The following DMBT1 variants were observed in gnomAD, a reference collection of about 807,000 sequenced individuals.
DMBT1 encodes scavenger receptor cysteine-rich domain-containing protein DMBT1.
Under a neutral mutation model 252.9 loss-of-function variants are expected in DMBT1, and 198 were observed. The observed-to-expected ratio is 0.78, with a 90% CI of 0.70 to 0.88. The LOEUF (loss-of-function observed/expected upper bound fraction) is 0.88. Ranked by LOEUF, DMBT1 falls within the 40% of genes least tolerant of loss-of-function variation. The probability of loss-of-function intolerance (pLI) is 0.00; values close to 1 mark genes in which losing one functional copy is unlikely to be tolerated. For missense variants in DMBT1, 2,432 were observed against 2,404.7 expected, an observed-to-expected ratio of 1.01 and a Z score of -0.24; for synonymous variants, 990 against 942.7, an observed-to-expected ratio of 1.05 and a Z score of -0.92.
At position 122,585,374 on chromosome 10, in the gene DMBT1, A is replaced by C. The variant is rs370310020; in HGVS notation, c.1459+65A>C. 140 of 1,540,490 alleles carry C rather than the reference A, an allele frequency of 9.1e-5. 4 individuals carry two copies. The African/African-American group carries it at 1.8e-3, about 20-fold the overall frequency. Reference sequence around the variant, plus strand: ...ACCTCTGGACAAATGTTTTTTTCTGAAATGATAGGATGAGGGTCAAGGTGG... The same window carrying C: ...ACCTCTGGACAAATGTTTTTTTCTGCAATGATAGGATGAGGGTCAAGGTGG... On this transcript the variant is annotated intron_variant, in intron 15 of 55. Coordinates refer to ENST00000338354, the MANE Select transcript of DMBT1 (RefSeq NM_001377530.1).
At chr10:122,600,939 C>T (rs1051573642) in intron 27 of DMBT1, 52 bp from the exon 28 acceptor site, 8 of 697,902 alleles carry the variant, frequency 1.1e-5, no homozygotes, top group Middle Eastern at 3.5e-4. Flanking sequence ...TTTTGTTCTG[C>T]ACCTTTTCCC....
chr10:122,592,245 A>G (rs2097855233), intron 19 of DMBT1, 27 bp from the exon 20 acceptor site: 2 of 1,583,772 alleles, frequency 1.3e-6, no homozygotes, highest in Non-Finnish European at 8.6e-7. Context: ...GTAGGGATGG[A>G]TAAAGGGTTC....
chr10:122,567,274 CCT>C (rs2097603936), intron 2 of DMBT1, among the ~76,000 whole-genome samples: 3 of 152,168 alleles, frequency 2.0e-5, no homozygotes, highest in Admixed American at 2.0e-4. Flanking sequence ...GGCGCATTGC[CCT>C]GCTGCACCTC....
At chr10:122,581,560 T>C (rs529871262) in intron 11 of DMBT1, among the ~76,000 whole-genome samples, 5 of 144,434 alleles carry the variant, frequency 3.5e-5, no homozygotes, top group South Asian at 4.5e-4. Context: ...CTCTAACAGA[T>C]AGAAAGATAC....
Position 122,631,139 on chromosome 10 carries a change from A to G in DMBT1, c.6204A>G (p.Ala2068=), listed in dbSNP as rs2098161744. 3 of 1,613,866 alleles carry G rather than the reference A, an allele frequency of 1.9e-6. No individual in the cohort carries two copies. The highest frequency in any genetic ancestry group is 8.5e-7 in the Non-Finnish European group (1 of 1,179,906). Residue 2068 remains alanine, a synonymous_variant, in exon 49 of 56, where the codon GCA becomes GCG. Coordinates refer to ENST00000338354, the MANE Select transcript of DMBT1 (RefSeq NM_001377530.1). The stretch of plus-strand genomic sequence containing the variant: ...GTGCAGTTTCAGCCCTTGGAAATGC[A>G]TATTTTGGCTCTGGCTCTGGCCCCA... The part of the protein sequence containing the change: ...CGRAVSALGN[A]YFGSGSGPIT...
chr10:122,564,951 A>G (rs2097577761), intron 1 of DMBT1, among the ~76,000 whole-genome samples: 1 of 152,188 alleles, frequency 6.6e-6, no homozygotes, highest in Non-Finnish European at 1.5e-5. Flanking sequence ...CTTTGCCATC[A>G]CAAGTAGAAA....
chr10:122,588,593 A>G (rs552199008), intron 16 of DMBT1, among the ~76,000 whole-genome samples: 2 of 148,754 alleles, frequency 1.3e-5, no homozygotes, highest in African/African-American at 4.9e-5. Flanking sequence ...AGGGAGGACC[A>G]TGGGGGTGCC....
At chr10:122,599,901 C>T (rs910506565) in intron 26 of DMBT1, among the ~76,000 whole-genome samples, 163 bp from the exon 27 acceptor site, 1 of 152,166 alleles carries the variant, frequency 6.6e-6, no homozygotes, top group African/African-American at 2.4e-5. Flanking sequence ...CGACCCCTTA[C>T]ATGGTGCATC....
chr10:122,631,327 A>G (rs1401167139), intron 49 of DMBT1, 46 bp downstream of exon 49: 1 of 1,594,928 alleles, frequency 6.3e-7, no homozygotes, highest in East Asian at 2.2e-5. Context: ...GTAACTTGCT[A>G]TAAAGCAAGA....
Position 122,633,256 on chromosome 10 carries a change from G to T in DMBT1, c.6463G>T (p.Gly2155Trp), listed in dbSNP as rs541947593. The change falls in exon 52 of 56, where the codon GGG becomes TGG. Residue 2155 changes from glycine (G) to tryptophan (W), a missense_variant. By Grantham distance (184) the Gly-to-Trp change is radical. This residue lies in a region of DMBT1 where 1,162 missense variants were observed against 1,169.0 expected (regional missense o/e 0.99). Transcript: ENST00000338354. ...SGDFSSPFYPGNYPNNAKCVW... is the reference protein window; with the variant it reads ...SGDFSSPFYPWNYPNNAKCVW... Reference sequence around the variant, plus strand: ...GGACTTTTCCAGCCCATTCTATCCCGGGAACTATCCAAACAATGCCAAGTG... The same window carrying T: ...GGACTTTTCCAGCCCATTCTATCCCTGGAACTATCCAAACAATGCCAAGTG... 1.2e-6 allele frequency: 2 copies of T among 1,613,984 alleles called. No homozygotes were observed. Among genetic ancestry groups the T allele is most frequent in the African/African-American group, 2.7e-5 (2 of 75,028 alleles).
rs768449035 is a variant in DMBT1 at position 122,618,353 on chromosome 10, G to C, written c.5215+13G>C. The C allele has an allele frequency of 6.2e-7, 1 of 1,613,864 alleles. No homozygotes were observed. Among genetic ancestry groups the C allele is most frequent in the Non-Finnish European group, 8.5e-7 (1 of 1,179,772 alleles). ...GTCATCTGCTCAGGTGGGCTTTCAA[G>C]ACCTTGGGCTCCCTCTCTTAAGTTG... is the stretch of plus-strand genomic sequence containing the variant. On this transcript the variant is annotated intron_variant, in intron 41 of 55. Transcript: ENST00000338354.
intron 28 of DMBT1, 75 bp downstream of exon 28, chr10:122,601,098 G>A: frequency 1.7e-6 from 1 of 573,812 alleles, no homozygotes; most frequent in Non-Finnish European, 2.9e-6. Context: ...GATAGGATGA[G>A]GCTCAAGGTG....
chr10:122,599,968 T>G (rs1004008587), intron 26 of DMBT1, 96 bp from the exon 27 acceptor site: 8 of 1,505,766 alleles, frequency 5.3e-6, no homozygotes, highest in African/African-American at 2.8e-5. Flanking sequence ...TAGGATGGAC[T>G]GAGTGTCAGA....
In DMBT1 at chr10:122,627,782, C is replaced by T. The variant is rs148872623; in HGVS notation, c.5668+1817C>T. 6.6e-5 allele frequency among the ~76,000 whole-genome samples: 10 copies of T among 152,236 alleles called. No individual in the cohort carries two copies. The East Asian group carries it at 1.5e-3, about 23-fold the overall frequency. On this transcript the variant is annotated intron_variant, in intron 46 of 55. Transcript: ENST00000338354. ...ACTGTCTTCCCATCAAATGGGAGAA[C>T]GTATTTCTATCTCATAAGGGACTTG...
intron 46 of DMBT1, among the ~76,000 whole-genome samples, chr10:122,627,333 A>T (rs1383839490): frequency 1.3e-5 from 2 of 152,118 alleles, no homozygotes; most frequent in Admixed American, 1.3e-4. Context: ...CATACATTCC[A>T]TACACTGTAT....
At chr10:122,598,701 TG>T in intron 25 of DMBT1, 72 bp from the exon 26 acceptor site, 1 of 1,608,384 alleles carries the variant, frequency 6.2e-7, no homozygotes, top group Non-Finnish European at 8.5e-7. Context: ...GGACATGCCT[TG>T]AGTGTGGAAC....
intron 2 of DMBT1, among the ~76,000 whole-genome samples, chr10:122,568,843 C>T (rs773040167): frequency 2.6e-5 from 4 of 152,176 alleles, no homozygotes; most frequent in Non-Finnish European, 5.9e-5. Flanking sequence ...GTCAAGCTGT[C>T]CCCACAGCGG....
chr10:122,643,211 G>T lies in DMBT1; in HGVS notation c.7442G>T (p.Arg2481Leu), dbSNP rs1455738382. The T allele has an allele frequency of 1.2e-6, 2 of 1,613,932 alleles. No individual in the cohort carries two copies. The highest frequency in any genetic ancestry group is 1.7e-6 in the Non-Finnish European group (2 of 1,179,880). ...TTCAGGGCCTTCCACTTCCTGAACC[G>T]CTTCCCCTCCGTGTACCTGCGTTGT... is the stretch of plus-strand genomic sequence containing the variant. The part of the protein sequence containing the change: ...FRFRAFHFLN[R>L]FPSVYLRCKM... The change falls in exon 56 of 56, where the codon CGC becomes CTC. Residue 2481 changes from arginine (R) to leucine (L), a missense_variant. Arg to Leu is a moderately radical substitution (Grantham distance 102). Transcript: ENST00000338354.
intron 25 of DMBT1, among the ~76,000 whole-genome samples, chr10:122,598,400 A>T (rs558344568): frequency 2.7e-4 from 41 of 152,284 alleles, no homozygotes; most frequent in African/African-American, 8.7e-4. Context: ...CATACCTGTG[A>T]AATTTTCAGA....
Sources: allele counts gnomAD v4.1 joint callset (sites outside exome capture counted in the v4.1 genomes callset), GRCh38; gene constraint gnomAD v4.1.1; regional missense constraint gnomAD v4.1.1; transcripts MANE v1.5; gene names NCBI Gene and HGNC (gene_info 2026-07-23, HGNC 2026-07-21).